The following HMGCLL1 variants were observed in gnomAD, a reference collection of about 807,000 sequenced individuals.
HMGCLL1 encodes 3-hydroxy-3-methylglutaryl-CoA lyase like 1.
A neutral mutation model predicts 39.1 loss-of-function variants in HMGCLL1; 36 were observed. The observed-to-expected ratio is 0.92, with a 90% CI of 0.71 to 1.22. HMGCLL1 has a LOEUF of 1.22. Among genes scored for constraint, HMGCLL1 ranks in the 50% most tolerant of loss-of-function variants. The pLI is 0.00. For synonymous variants in HMGCLL1, 149 were observed against 144.0 expected, an observed-to-expected ratio of 1.03 and a Z score of -0.25; for missense variants, 451 against 416.5, an observed-to-expected ratio of 1.08 and a Z score of -0.72.
the HMGCLL1 span, among the ~76,000 whole-genome samples, chr6:55,668,718 C>G: frequency 4.6e-5 from 7 of 151,874 alleles, no homozygotes; most frequent in South Asian, 4.2e-4. Flanking sequence ...TTAAGAGAAG[C>G]CTGGCTCAGG....
At chr6:55,486,858 G>A (rs1014459388) in intron 7 of HMGCLL1, among the ~76,000 whole-genome samples, 9 of 152,088 alleles carry the variant, frequency 5.9e-5, no homozygotes, top group African/African-American at 2.2e-4. Context: ...CACGATAAAA[G>A]TGCTGGCAGA....
the HMGCLL1 span, among the ~76,000 whole-genome samples, chr6:55,614,332 C>T: frequency 6.6e-6 from 1 of 152,090 alleles, no homozygotes; most frequent in Non-Finnish European, 1.5e-5. Flanking sequence ...AGACATCTTT[C>T]TTCTTCTCTC....
At chr6:55,638,279 C>T in the HMGCLL1 span, among the ~76,000 whole-genome samples, 9 of 151,646 alleles carry the variant, frequency 5.9e-5, no homozygotes, top group Admixed American at 4.6e-4. Flanking sequence ...TGGTGGCGGG[C>T]GCTTGTAATC....
At chr6:55,629,269 T>C in the HMGCLL1 span, among the ~76,000 whole-genome samples, 1 of 152,202 alleles carries the variant, frequency 6.6e-6, no homozygotes, top group Non-Finnish European at 1.5e-5. Flanking sequence ...ACTCTTGTTA[T>C]GTTCTAGCAA....
At chr6:55,578,900 G>T in intron 1 of HMGCLL1, 48 bp downstream of exon 1, 1 of 1,375,454 alleles carries the variant, frequency 7.3e-7, no homozygotes, top group Non-Finnish European at 1.0e-6. Context: ...GAGGCTGGCT[G>T]TCAGTGTGCG....
chr6:55,650,303 C>T, the HMGCLL1 span, among the ~76,000 whole-genome samples: 2 of 151,068 alleles, frequency 1.3e-5, no homozygotes, highest in Non-Finnish European at 3.0e-5. Context: ...ATAGTCTGGG[C>T]TTGTTTGTGC....
chr6:55,487,634 T>C (rs935653953), intron 7 of HMGCLL1, among the ~76,000 whole-genome samples: 1 of 152,080 alleles, frequency 6.6e-6, no homozygotes, highest in Non-Finnish European at 1.5e-5. Context: ...ACTCATGCTT[T>C]TTTATGGCTG....
At chr6:55,670,390 G>A in the HMGCLL1 span, among the ~76,000 whole-genome samples, 1 of 151,686 alleles carries the variant, frequency 6.6e-6, no homozygotes, top group South Asian at 2.1e-4. Flanking sequence ...AATTATACCA[G>A]AAGAAAATAC....
intron 5 of HMGCLL1, among the ~76,000 whole-genome samples, chr6:55,502,408 A>C (rs1489044044): frequency 6.6e-6 from 1 of 151,788 alleles, no homozygotes; most frequent in Non-Finnish European, 1.5e-5. Context: ...TTCTCAAGGT[A>C]CTACCTTTTC....
chr6:55,565,475 T>A (rs979931134), intron 1 of HMGCLL1, among the ~76,000 whole-genome samples: 2 of 152,148 alleles, frequency 1.3e-5, no homozygotes, highest in African/African-American at 4.8e-5. Context: ...ATTTGTCCCA[T>A]GTGATGTAAG....
intron 7 of HMGCLL1, among the ~76,000 whole-genome samples, chr6:55,468,331 C>A (rs565104836): frequency 6.6e-6 from 1 of 152,044 alleles, no homozygotes; most frequent in African/African-American, 2.4e-5. Flanking sequence ...CCAGTCAAAT[C>A]TAGCATCTAG....
chr6:55,673,415 A>G, the HMGCLL1 span, among the ~76,000 whole-genome samples: 1 of 152,018 alleles, frequency 6.6e-6, no homozygotes, highest in Non-Finnish European at 1.5e-5. Context: ...AATATTACAA[A>G]AAAATGAAAT....
At chr6:55,493,679 C>T (rs1766429933) in intron 7 of HMGCLL1, among the ~76,000 whole-genome samples, 2 of 152,084 alleles carry the variant, frequency 1.3e-5, no homozygotes, top group Non-Finnish European at 2.9e-5. Context: ...CACACCACAA[C>T]ACATACACAC....
the HMGCLL1 span, among the ~76,000 whole-genome samples, chr6:55,626,337 A>G: frequency 6.6e-6 from 1 of 152,012 alleles, no homozygotes; most frequent in Admixed American, 6.6e-5. Flanking sequence ...TGACCAGCGC[A>G]CTCACTTTAT....
chr6:55,455,737 T>A (rs1764294884), intron 7 of HMGCLL1, among the ~76,000 whole-genome samples: 1 of 152,138 alleles, frequency 6.6e-6, no homozygotes, highest in Admixed American at 6.6e-5. Context: ...CAAACACAAA[T>A]GAGTTAGCTT....
the HMGCLL1 span, among the ~76,000 whole-genome samples, chr6:55,649,682 C>T: frequency 2.0e-5 from 3 of 151,936 alleles, no homozygotes; most frequent in African/African-American, 7.2e-5. Context: ...ACCCCTATCT[C>T]TCTCTACCTC....
intron 3 of HMGCLL1, among the ~76,000 whole-genome samples, chr6:55,521,991 A>G (rs148708402): frequency 8.5e-5 from 13 of 152,152 alleles, no homozygotes; most frequent in African/African-American, 2.6e-4. Context: ...ACACACAGAT[A>G]ATAAGTGAAA....
At chr6:55,549,405 T>C (rs987021151) in intron 1 of HMGCLL1, among the ~76,000 whole-genome samples, 1 of 151,570 alleles carries the variant, frequency 6.6e-6, no homozygotes, top group East Asian at 1.9e-4. Context: ...TGTGTGTGTG[T>C]GTCTGTGTGT....
At chr6:55,531,180 A>C (rs938694202) in intron 3 of HMGCLL1, among the ~76,000 whole-genome samples, 1 of 152,200 alleles carries the variant, frequency 6.6e-6, no homozygotes, top group Non-Finnish European at 1.5e-5. Flanking sequence ...CCTCTAGTCT[A>C]GTCCCTAGGG....
Sources: allele counts gnomAD v4.1 joint callset (sites outside exome capture counted in the v4.1 genomes callset), GRCh38; gene constraint gnomAD v4.1.1; transcripts MANE v1.5; gene names NCBI Gene and HGNC (gene_info 2026-07-23, HGNC 2026-07-21).